The following IQCH variants were observed in gnomAD, a reference collection of about 807,000 sequenced individuals.
The protein encoded by IQCH is IQ motif containing H.
A neutral mutation model predicts 117.0 loss-of-function variants in IQCH; 98 were observed. That is an observed-to-expected ratio of 0.84 (90% CI 0.71 to 0.99). IQCH has a LOEUF of 0.99. Among genes scored for constraint, IQCH ranks in the 50% least tolerant of loss-of-function variants. The probability of loss-of-function intolerance (pLI) is 0.00; values close to 1 mark genes in which losing one functional copy is unlikely to be tolerated. For missense variants in IQCH, 1,102 were observed against 1,243.8 expected (o/e 0.89, Z 1.72); for synonymous variants, 412 against 448.2 (o/e 0.92, Z 1.02).
chr15:67,460,585 G>T (rs1182550320), intron 16 of IQCH, among the ~76,000 whole-genome samples: 1 of 152,126 alleles, frequency 6.6e-6, no homozygotes, highest in South Asian at 2.1e-4. Flanking sequence ...ATTATTTTTT[G>T]TATTCCTTGT....
rs776509221 is a variant in IQCH, at chr15:67,357,356, A to G, written c.649A>G (p.Ile217Val). 8.0e-5 allele frequency: 128 copies of G among 1,608,220 alleles called. No individual in the cohort carries two copies. Among genetic ancestry groups the G allele is most frequent in the Non-Finnish European group, 1.0e-4 (123 of 1,174,662 alleles). The part of the protein sequence containing the change: ...RKIPTVATFT[I>V]PREPPPSPAE... The stretch of plus-strand genomic sequence containing the variant: ...ATCTTCATCCACAGCCACTTTCACT[A>G]TACCTCGGGAACCACCTCCATCTCC... Residue 217 changes from isoleucine (I) to valine (V), a missense_variant, in exon 7 of 21, where the codon ATA (isoleucine) becomes GTA (valine). Ile to Val is a conservative substitution (Grantham distance 29, BLOSUM62 3). This residue lies in a region of IQCH where 452 missense variants were observed against 449.6 expected (regional missense o/e 1.01). Transcript: ENST00000335894.
At chr15:67,324,438 C>T (rs953221452) in intron 4 of IQCH, among the ~76,000 whole-genome samples, 12 of 151,840 alleles carry the variant, frequency 7.9e-5, no homozygotes, top group African/African-American at 2.7e-4. Flanking sequence ...GACAAAACCC[C>T]GCCTCTACTG....
At position 67,336,030 on chromosome 15, in the gene IQCH, A is replaced by G. The variant is rs372847525; in HGVS notation, c.388-945A>G. Among the ~76,000 whole-genome samples, 18 of 152,174 alleles carry G rather than the reference A, an allele frequency of 1.2e-4. 2 individuals carry two copies. The highest frequency in any genetic ancestry group is 3.9e-4 in the East Asian group (2 of 5,186). On this transcript the variant is annotated intron_variant, in intron 4 of 20. Transcript: ENST00000335894. ...ATAAGGTATTGTGCAACCGAGTCCA[A>G]TGGCAAATTTTACCAATGTAAAATC...
At chr15:67,269,369 A>T (rs1198232283) in intron 3 of IQCH, among the ~76,000 whole-genome samples, 1 of 152,190 alleles carries the variant, frequency 6.6e-6, no homozygotes, top group Non-Finnish European at 1.5e-5. Flanking sequence ...TTGATACATA[A>T]TACTTGTATA....
At position 67,365,051 on chromosome 15, in the gene IQCH, C is replaced by G. The variant is rs1468070864; in HGVS notation, c.753+5166C>G. ...GACCTGCCGGGGCTCAAGCAGTCCT[C>G]CCACCTCACAGTCCTGAGTAGCTGG... is the stretch of plus-strand genomic sequence containing the variant. On this transcript the variant is annotated intron_variant, in intron 8 of 20. Transcript: ENST00000335894. This position sits in a 1 kb window ranked among gnomAD's most constrained non-coding sequence, Gnocchi z 4.4. Among the ~76,000 whole-genome samples the G allele has an allele frequency of 6.6e-6, 1 of 152,172 alleles. No homozygotes were observed. The highest frequency in any genetic ancestry group is 1.9e-4 in the East Asian group (1 of 5,200).
At chr15:67,291,519 A>G (rs927022062) in intron 4 of IQCH, among the ~76,000 whole-genome samples, 3 of 152,222 alleles carry the variant, frequency 2.0e-5, no homozygotes, top group Non-Finnish European at 4.4e-5. Context: ...AGCAATGTAC[A>G]TTTGTATCTA....
In IQCH at chr15:67,388,861, C is replaced by G. The variant is rs758875656; in HGVS notation, c.1487C>G (p.Ser496Cys). ...DANVNVIYIC[S>C]HHMNDELVLY... ...AATGTGAATGTCATCTACATCTGCT[C>G]CCATCATATGAATGACGAGTTAGTG... The change falls in exon 12 of 21, where the codon TCC (serine) becomes TGC (cysteine). Residue 496 changes from serine to cysteine, a missense_variant. Transcript: ENST00000335894. This position sits in a 1 kb window ranked among gnomAD's most constrained non-coding sequence, Gnocchi z 5.5. The G allele has an allele frequency of 6.2e-7, 1 of 1,613,796 alleles. No individual in the cohort carries two copies. Among genetic ancestry groups the G allele is most frequent in the Admixed American group, 1.7e-5 (1 of 59,992 alleles).
At position 67,372,182 on chromosome 15, in the gene IQCH, T is replaced by C. The variant is rs748422627; in HGVS notation, c.825T>C (p.Gly275=). 6.2e-7 allele frequency: 1 copy of C among 1,613,892 alleles called. No homozygotes were observed. Among genetic ancestry groups the C allele is most frequent in the African/African-American group, 1.3e-5 (1 of 74,938 alleles). ...ATTATGACTTTTTAATTTATGATGGTGTCATAGACAATACAGCCCCAGACT... is the reference window on the plus strand; with the variant it reads ...ATTATGACTTTTTAATTTATGATGGCGTCATAGACAATACAGCCCCAGACT... ...LWDYDFLIYD[G]VIDNTAPDFL... Residue 275 remains glycine (G), a synonymous_variant, in exon 9 of 21, where the codon GGT becomes GGC. Transcript: ENST00000335894.
rs1177440478 is a variant in IQCH at position 67,426,711 on chromosome 15, T to G, written c.2505+5134T>G. Among the ~76,000 whole-genome samples the G allele has an allele frequency of 2.6e-5, 4 of 152,110 alleles. No homozygotes were observed. The highest frequency in any genetic ancestry group is 4.4e-5 in the Non-Finnish European group (3 of 68,012). On this transcript the variant is annotated intron_variant, in intron 16 of 20. Coordinates refer to ENST00000335894, the MANE Select transcript of IQCH (RefSeq NM_001031715.3). This position sits in a 1 kb window ranked among gnomAD's most constrained non-coding sequence, Gnocchi z 5.1. ...ATCCCAGGCCAGATGTGGTGGCTCA[T>G]GCCTGTAATCCCAGCACTTTGGGAG...
rs1356927115 is a variant in IQCH at position 67,413,725 on chromosome 15, A to G, written c.2098-3206A>G. 6.6e-6 allele frequency among the ~76,000 whole-genome samples: 1 copy of G among 152,058 alleles called. No individual in the cohort carries two copies. Among genetic ancestry groups the G allele is most frequent in the Non-Finnish European group, 1.5e-5 (1 of 67,988 alleles). On this transcript the variant is annotated intron_variant, in intron 14 of 20. Transcript: ENST00000335894. This position sits in a 1 kb window ranked among gnomAD's most constrained non-coding sequence, Gnocchi z 5.0. ...TTCTTAGAGAATGAATCATGGCCCC[A>G]AGCTGCCTCTGTGTGCCCCAGCATC... is the stretch of plus-strand genomic sequence containing the variant.
chr15:67,305,112 C>A (rs1189616106), intron 4 of IQCH, among the ~76,000 whole-genome samples: 1 of 152,042 alleles, frequency 6.6e-6, no homozygotes, highest in Non-Finnish European at 1.5e-5. Flanking sequence ...AATTTGAGAT[C>A]ATTTCTAACA....
At chr15:67,421,171 A>G in intron 15 of IQCH, 120 bp from the exon 16 acceptor site, 1 of 747,562 alleles carries the variant, frequency 1.3e-6, no homozygotes, top group Non-Finnish European at 2.1e-6. Context: ...AAAGAAAAAT[A>G]AGTTCAGAGA....
intron 4 of IQCH, among the ~76,000 whole-genome samples, chr15:67,324,419 G>A (rs971057009): frequency 9.2e-5 from 14 of 151,638 alleles, no homozygotes; most frequent in Non-Finnish European, 1.8e-4. Context: ...AGACCAACCT[G>A]GCCAACATGA....
At chr15:67,312,672 G>A (rs561729943) in intron 4 of IQCH, among the ~76,000 whole-genome samples, 1 of 152,226 alleles carries the variant, frequency 6.6e-6, no homozygotes, top group South Asian at 2.1e-4. Context: ...GAGGAAAATA[G>A]AGCAGCTACG....
At chr15:67,382,815 G>T (rs1970980637) in intron 10 of IQCH, among the ~76,000 whole-genome samples, 1 of 152,148 alleles carries the variant, frequency 6.6e-6, no homozygotes, top group Admixed American at 6.5e-5. Context: ...TATCATTGTA[G>T]ATTATATCCC....
At chr15:67,355,270 C>T (rs954328881) in intron 6 of IQCH, among the ~76,000 whole-genome samples, 3 of 151,954 alleles carry the variant, frequency 2.0e-5, no homozygotes, top group Non-Finnish European at 2.9e-5. Flanking sequence ...TATTGTCACT[C>T]TGAAAAAACT....
At chr15:67,272,870 C>G in intron 3 of IQCH, among the ~76,000 whole-genome samples, 1 of 152,152 alleles carries the variant, frequency 6.6e-6, no homozygotes, top group East Asian at 1.9e-4. Context: ...ATCCATTCAG[C>G]CACACTGTGT....
intron 4 of IQCH, among the ~76,000 whole-genome samples, chr15:67,286,634 G>C (rs1397035423): frequency 6.9e-6 from 1 of 144,134 alleles, no homozygotes; most frequent in African/African-American, 2.5e-5. Flanking sequence ...TTATTGAGTA[G>C]AGTCTCGTTC....
At position 67,344,079 on chromosome 15, in the gene IQCH, A is replaced by G. The variant is rs1484287372; in HGVS notation, c.525A>G (p.Ile175Met). 4 of 1,612,880 alleles carry G rather than the reference A, an allele frequency of 2.5e-6. No individual in the cohort carries two copies. The highest frequency in any genetic ancestry group is 1.1e-5 in the South Asian group (1 of 90,960). ...TCTTTTTAGGGATTTTAAGTATGAT[A>G]GAACGAGGGCTGATTCCACCAACAG... ...ADAHKGILSM[I>M]ERGLIPPTAR... The change falls in exon 6 of 21, where the codon ATA becomes ATG. Residue 175 changes from isoleucine (I) to methionine (M), a missense_variant. Coordinates refer to ENST00000335894, the MANE Select transcript of IQCH (RefSeq NM_001031715.3).
Sources: allele counts gnomAD v4.1 joint callset (sites outside exome capture counted in the v4.1 genomes callset), GRCh38; gene constraint gnomAD v4.1.1; regional missense constraint gnomAD v4.1.1; non-coding constraint Gnocchi (gnomAD v3.1); transcripts MANE v1.5; gene names NCBI Gene and HGNC (gene_info 2026-07-23, HGNC 2026-07-21).